ADGRA3: variants seen among roughly 807,000 people sequenced by gnomAD.
ADGRA3 encodes the protein G-protein coupled receptor 125.
A neutral mutation model predicts 119.8 loss-of-function variants in ADGRA3; 56 were observed. The observed-to-expected ratio is 0.47, with a 90% CI of 0.38 to 0.58. The LOEUF is 0.58. Among genes scored for constraint, ADGRA3 ranks in the 20% least tolerant of loss-of-function variants. ADGRA3 has a pLI of 0.00. For synonymous variants in ADGRA3, 607 were observed against 623.8 expected (o/e 0.97, Z 0.40); for missense variants, 1,516 against 1,649.0 (o/e 0.92, Z 1.40).
At chr4:22,417,905 C>T (rs1018744515) in intron 12 of ADGRA3, among the ~76,000 whole-genome samples, 1 of 152,156 alleles carries the variant, frequency 6.6e-6, no homozygotes, top group African/African-American at 2.4e-5. Flanking sequence ...TTCAGCTGGA[C>T]TGAAGCTCTA....
At chr4:22,489,931 A>T (rs1222619815) in intron 1 of ADGRA3, among the ~76,000 whole-genome samples, 1 of 152,234 alleles carries the variant, frequency 6.6e-6, no homozygotes, top group Non-Finnish European at 1.5e-5. Flanking sequence ...AAGAGTTGCC[A>T]TTAATAATTA....
chr4:22,494,489 C>T (rs374266035), intron 1 of ADGRA3, among the ~76,000 whole-genome samples: 1 of 151,884 alleles, frequency 6.6e-6, no homozygotes, highest in South Asian at 2.1e-4. Flanking sequence ...CGGACTCATC[C>T]TAAATTTTTT....
chr4:22,487,953 G>C (rs1479355254), intron 1 of ADGRA3, among the ~76,000 whole-genome samples: 2 of 151,998 alleles, frequency 1.3e-5, no homozygotes, highest in Non-Finnish European at 2.9e-5. Context: ...CCAGAGCTTG[G>C]GGTGCCGGAT....
At chr4:22,492,991 G>C (rs1007815808) in intron 1 of ADGRA3, among the ~76,000 whole-genome samples, 2 of 69,020 alleles carry the variant, frequency 2.9e-5, no homozygotes, top group East Asian at 9.4e-4. Flanking sequence ...TAAGAGACAG[G>C]GTTTCACTCT....
At chr4:22,428,854 A>G (rs1716045878) in intron 10 of ADGRA3, among the ~76,000 whole-genome samples, 1 of 152,200 alleles carries the variant, frequency 6.6e-6, no homozygotes. Context: ...CAAGAGTCTG[A>G]CTGCAATCAT....
At chr4:22,390,056 A>C (rs1452428362) in intron 17 of ADGRA3, among the ~76,000 whole-genome samples, 1 of 151,980 alleles carries the variant, frequency 6.6e-6, no homozygotes, top group Non-Finnish European at 1.5e-5. Context: ...AAAACTAATT[A>C]CCCTATAAAA....
In ADGRA3 at chr4:22,387,615, G is replaced by T. The variant is rs561450332; in HGVS notation, c.*90C>A. Reference sequence around the variant, plus strand: ...TTCCAAATTCTTTTGAATCCCTATGGTGGCTGTAAACAGTTTTTAAATGCT... The same window carrying T: ...TTCCAAATTCTTTTGAATCCCTATGTTGGCTGTAAACAGTTTTTAAATGCT... On this transcript the variant is annotated 3_prime_UTR_variant, in exon 19 of 19. Transcript: ENST00000334304. The T allele has an allele frequency of 7.9e-7, 1 of 1,261,352 alleles. No homozygotes were observed. Among genetic ancestry groups the T allele is most frequent in the Non-Finnish European group, 1.1e-6 (1 of 921,374 alleles). 78.1% of individuals were successfully genotyped at this position (1,261,352 alleles called of 1,614,324 possible). A position where few individuals can be genotyped will look rare whatever the true frequency, so the allele number is the denominator to read the frequency against.
At chr4:22,501,659 T>C (rs542983724) in intron 1 of ADGRA3, among the ~76,000 whole-genome samples, 1 of 152,104 alleles carries the variant, frequency 6.6e-6, no homozygotes, top group East Asian at 1.9e-4. Context: ...CCTCTGGATA[T>C]ACTAAGACTT....
chr4:22,388,098 G>C lies in ADGRA3; in HGVS notation c.3573C>G (p.Ala1191=). 2 of 1,614,126 alleles carry C rather than the reference G, an allele frequency of 1.2e-6. No homozygotes were observed. The highest frequency in any genetic ancestry group is 1.7e-6 in the Non-Finnish European group (2 of 1,180,018). The part of the protein sequence containing the change: ...ASRLTVLREY[A]YDVPTSVEGS... ...CTTCCACGCTCGTTGGGACATCGTA[G>C]GCATATTCTCTCAGGACTGTGAGTC... Residue 1191 remains alanine (A), a synonymous_variant, in exon 19 of 19, where the codon GCC becomes GCG. Coordinates refer to ENST00000334304, the MANE Select transcript of ADGRA3 (RefSeq NM_145290.4).
chr4:22,391,415 C>T (rs1453451906), intron 17 of ADGRA3, among the ~76,000 whole-genome samples: 1 of 152,032 alleles, frequency 6.6e-6, no homozygotes, highest in Non-Finnish European at 1.5e-5. Context: ...CAACTTGCAG[C>T]CATCTTCAAA....
At chr4:22,472,761 T>C (rs1447163366) in intron 2 of ADGRA3, among the ~76,000 whole-genome samples, 1 of 151,786 alleles carries the variant, frequency 6.6e-6, no homozygotes. Context: ...CGCAGAGAAG[T>C]GGAGAAAGTG....
intron 15 of ADGRA3, 141 bp from the exon 16 acceptor site, chr4:22,401,695 A>G: frequency 2.2e-6 from 1 of 460,568 alleles, no homozygotes; most frequent in Non-Finnish European, 3.8e-6. Context: ...ATACTACCAG[A>G]CACACACACA....
intron 1 of ADGRA3, among the ~76,000 whole-genome samples, chr4:22,512,716 G>A (rs1000478003): frequency 3.9e-5 from 6 of 152,174 alleles, no homozygotes; most frequent in Admixed American, 1.3e-4. Context: ...ACGCAAGCAT[G>A]AATTCTTCCT....
chr4:22,483,777 C>T (rs1718326920), intron 1 of ADGRA3, among the ~76,000 whole-genome samples: 1 of 152,112 alleles, frequency 6.6e-6, no homozygotes. Flanking sequence ...CTGAAATAAA[C>T]AGTTGTGTAA....
intron 1 of ADGRA3, among the ~76,000 whole-genome samples, chr4:22,481,037 C>T (rs73802829): frequency 0.015 from 2,306 of 152,232 alleles, 60 homozygotes; most frequent in African/African-American, 0.051. Context: ...AAGACCCAGT[C>T]TCAAAACAAT....
At chr4:22,485,561 C>G (rs1718408567) in intron 1 of ADGRA3, among the ~76,000 whole-genome samples, 1 of 152,028 alleles carries the variant, frequency 6.6e-6, no homozygotes, top group Admixed American at 6.6e-5. Flanking sequence ...CTGTTGATTT[C>G]TTCTCAAATG....
At chr4:22,475,062 C>A (rs969000778) in intron 1 of ADGRA3, among the ~76,000 whole-genome samples, 3 of 152,130 alleles carry the variant, frequency 2.0e-5, no homozygotes, top group Non-Finnish European at 4.4e-5. Context: ...ATTTTAAAAT[C>A]CCTGCAGATT....
chr4:22,418,825 G>T (rs946985169), intron 12 of ADGRA3, among the ~76,000 whole-genome samples: 10 of 152,166 alleles, frequency 6.6e-5, no homozygotes, highest in Non-Finnish European at 1.2e-4. Flanking sequence ...CTTCAGGTGT[G>T]AAATGGTGAA....
chr4:22,514,476 C>A (rs1179325448), intron 1 of ADGRA3: 1 of 152,104 alleles, frequency 6.6e-6, no homozygotes, highest in African/African-American at 2.4e-5. Context: ...TGTGTATACT[C>A]CTGCTGAATT....
Sources: allele counts gnomAD v4.1 joint callset (sites outside exome capture counted in the v4.1 genomes callset), GRCh38; gene constraint gnomAD v4.1.1; transcripts MANE v1.5; gene names NCBI Gene and HGNC (gene_info 2026-07-23, HGNC 2026-07-21).